UROS: variants seen among roughly 807,000 people sequenced by gnomAD.
The protein encoded by UROS is uroporphyrinogen III synthase, also known as uroporphyrinogen-III synthase.
In UROS, 18 loss-of-function variants were observed where a neutral mutation model predicts 33.0. The observed-to-expected ratio is 0.55, with a 90% CI of 0.38 to 0.81. The LOEUF (loss-of-function observed/expected upper bound fraction) is 0.81, where lower values mean the gene tolerates loss of function less well. UROS is among the 30% of genes least tolerant of loss of function. UROS has a pLI of 0.00. For synonymous variants in UROS, 114 were observed against 121.1 expected (o/e 0.94, Z 0.38); for missense variants, 293 against 314.9 (o/e 0.93, Z 0.53).
chr10:125,790,187 ACTGCCTTGCTAAGCACCC>A (rs1462785119), intron 9 of UROS, among the ~76,000 whole-genome samples: 3 of 152,148 alleles, frequency 2.0e-5, no homozygotes, highest in African/African-American at 7.2e-5. Context: ...CGCCCACAGT[ACTGCCTTGCTAAGCACCC>A]ATTGCTTAGG....
At chr10:125,808,738 G>T (rs1852549437) in intron 5 of UROS, among the ~76,000 whole-genome samples, 1 of 152,224 alleles carries the variant, frequency 6.6e-6, no homozygotes, top group Admixed American at 6.5e-5. Flanking sequence ...CTGTACTTGA[G>T]AGGGAAGGAA....
chr10:125,796,009 A>T, intron 8 of UROS, 94 bp downstream of exon 8: 1 of 1,110,376 alleles, frequency 9.0e-7, no homozygotes, highest in Non-Finnish European at 1.4e-6. Flanking sequence ...GTGAAACCAC[A>T]TATAGAACCA....
intron 1 of UROS, among the ~76,000 whole-genome samples, chr10:125,821,312 G>A (rs551635992): frequency 1.3e-5 from 2 of 152,296 alleles, no homozygotes; most frequent in East Asian, 1.9e-4. Flanking sequence ...GCCTTAACAA[G>A]GAAGGAAATC....
chr10:125,810,356 T>C (rs1264341570), intron 5 of UROS, among the ~76,000 whole-genome samples: 3 of 152,200 alleles, frequency 2.0e-5, no homozygotes, highest in Admixed American at 2.0e-4. Context: ...ATGTCTTAGG[T>C]AGCCCTCTCG....
intron 9 of UROS, among the ~76,000 whole-genome samples, chr10:125,790,178 G>A (rs748136556): frequency 4.6e-5 from 7 of 151,616 alleles, no homozygotes; most frequent in East Asian, 1.9e-4. Context: ...CTCCCACCCC[G>A]CCCACAGTAC....
At chr10:125,808,971 A>T (rs1852571752) in intron 5 of UROS, among the ~76,000 whole-genome samples, 1 of 152,268 alleles carries the variant, frequency 6.6e-6, no homozygotes, top group South Asian at 2.1e-4. Flanking sequence ...GCCCAAGTAA[A>T]AGCTGACAGT....
At chr10:125,787,614 G>A (rs996326936), downstream of UROS, among the ~76,000 whole-genome samples, 2 of 152,176 alleles carry the variant, frequency 1.3e-5, no homozygotes, top group Non-Finnish European at 2.9e-5. Flanking sequence ...TGGTTCTGAT[G>A]TATAGCCAGG....
chr10:125,794,862 G>A lies in UROS; in HGVS notation c.660+18C>T. The A allele has an allele frequency of 1.3e-6, 2 of 1,590,330 alleles. No individual in the cohort carries two copies. The highest frequency in any genetic ancestry group is 1.7e-6 in the Non-Finnish European group (2 of 1,159,702). ...AAAAAGAATCTGAAAAAGACCAAAA[G>A]CTCATTGAATAACTTACCTTAATTT... On this transcript the variant is annotated intron_variant, in intron 9 of 9. Transcript: ENST00000368797.
chr10:125,812,565 C>T lies in UROS; in HGVS notation c.245-277G>A, dbSNP rs116859027. 2.6e-4 allele frequency among the ~76,000 whole-genome samples: 40 copies of T among 152,202 alleles called. 1 individual carries two copies. The East Asian group carries it at 3.1e-3, about 12-fold the overall frequency. On this transcript the variant is annotated intron_variant, in intron 4 of 9. Coordinates refer to ENST00000368797, the MANE Select transcript of UROS (RefSeq NM_000375.3). Reference sequence around the variant, plus strand: ...ACTAGAAGAATTTTAATGGGAACCACGAAATCAACATAACTTGAAGAATTA... The same window carrying T: ...ACTAGAAGAATTTTAATGGGAACCATGAAATCAACATAACTTGAAGAATTA...
chr10:125,805,325 T>G (rs1456328605), intron 6 of UROS, among the ~76,000 whole-genome samples: 1 of 152,110 alleles, frequency 6.6e-6, no homozygotes, highest in African/African-American at 2.4e-5. Flanking sequence ...TGGATGGAGG[T>G]GCTTGGCCAG....
intron 1 of UROS, among the ~76,000 whole-genome samples, chr10:125,818,049 T>C (rs770143365): frequency 2.9e-4 from 44 of 152,266 alleles, no homozygotes; most frequent in Admixed American, 3.3e-4. Flanking sequence ...TTTAGGCTTC[T>C]GGATAATAAA....
intron 4 of UROS, among the ~76,000 whole-genome samples, chr10:125,814,642 G>C (rs754201750): frequency 3.9e-5 from 6 of 152,186 alleles, no homozygotes; most frequent in Non-Finnish European, 7.3e-5. Context: ...AATAGTGAGG[G>C]ACGGAGGTGG....
chr10:125,805,742 T>C (rs972858835), intron 6 of UROS, among the ~76,000 whole-genome samples: 2 of 152,166 alleles, frequency 1.3e-5, no homozygotes, highest in Non-Finnish European at 2.9e-5. Context: ...TCTGACTTCA[T>C]GGGGTGATGG....
chr10:125,807,541 T>A (rs1852442035), intron 5 of UROS, 54 bp from the exon 6 acceptor site: 11 of 1,430,092 alleles, frequency 7.7e-6, no homozygotes, highest in Non-Finnish European at 1.1e-5. Flanking sequence ...AGTCCTTTTG[T>A]TCCAGCGTTA....
intron 1 of UROS, among the ~76,000 whole-genome samples, chr10:125,820,796 C>G (rs1379641125): frequency 6.6e-6 from 1 of 152,218 alleles, no homozygotes; most frequent in Non-Finnish European, 1.5e-5. Flanking sequence ...GAAGCCCATG[C>G]TCAGTCTCCT....
chr10:125,806,047 T>C lies in UROS; in HGVS notation c.394+1366A>G, dbSNP rs545993488. ...CTCCAGGGATCCTCAGACCACAGTG[T>C]AGAAAAAGACGCAGGACTTTCTCTA... On this transcript the variant is annotated intron_variant, in intron 6 of 9. Coordinates refer to ENST00000368797, the MANE Select transcript of UROS (RefSeq NM_000375.3). Among the ~76,000 whole-genome samples, 20 of 152,232 alleles carry C rather than the reference T, an allele frequency of 1.3e-4. No homozygotes were observed. The East Asian group carries it at 1.4e-3, about 10-fold the overall frequency.
chr10:125,789,216 A>T, intron 9 of UROS: 7 of 1,435,960 alleles, frequency 4.9e-6, no homozygotes, highest in Non-Finnish European at 6.4e-6. Context: ...TCAGTCTGCC[A>T]CCCTGAGCGA....
At chr10:125,787,366 A>T (rs759846469), downstream of UROS, among the ~76,000 whole-genome samples, 12 of 151,112 alleles carry the variant, frequency 7.9e-5, no homozygotes, top group Non-Finnish European at 1.6e-4. Flanking sequence ...CTCCTTCCTC[A>T]CTTCCGGGCT....
chr10:125,822,223 G>A (rs1182129845), intron 1 of UROS, among the ~76,000 whole-genome samples: 1 of 152,168 alleles, frequency 6.6e-6, no homozygotes, highest in African/African-American at 2.4e-5. Flanking sequence ...TGCCACAGGG[G>A]CTGGCGCTCG....
Sources: allele counts gnomAD v4.1 joint callset (sites outside exome capture counted in the v4.1 genomes callset), GRCh38; gene constraint gnomAD v4.1.1; transcripts MANE v1.5; gene names NCBI Gene and HGNC (gene_info 2026-07-23, HGNC 2026-07-21).